KAZN: variants seen among roughly 807,000 people sequenced by gnomAD.
The protein encoded by KAZN is kazrin, periplakin interacting protein, also known as kazrin.
Under a neutral mutation model 87.4 loss-of-function variants are expected in KAZN, and 40 were observed. The ratio of observed to expected loss-of-function variants is 0.46; its 90% CI spans 0.36 to 0.60. KAZN has a LOEUF of 0.60. KAZN is among the 20% of genes least tolerant of loss of function. KAZN has a pLI of 0.00. For synonymous variants in KAZN, 466 were observed against 458.3 expected, an observed-to-expected ratio of 1.02 and a Z score of -0.22; for missense variants, 898 against 1,073.9, an observed-to-expected ratio of 0.84 and a Z score of 2.29.
rs573676074 is a variant in KAZN, at chr1:14,791,318, C to T, written c.227-169366C>T. 2.6e-5 allele frequency among the ~76,000 whole-genome samples: 4 copies of T among 152,290 alleles called. No homozygotes were observed. The South Asian group carries it at 8.3e-4, about 32-fold the overall frequency. ...AAGTGGCTTTGGAGGAGGGCTGAGTCGCCAACACCTGCACACGAGAAACCT... is the reference window on the plus strand; with the variant it reads ...AAGTGGCTTTGGAGGAGGGCTGAGTTGCCAACACCTGCACACGAGAAACCT... On this transcript the variant is annotated intron_variant, in intron 1 of 14. Coordinates refer to ENST00000376030, the MANE Select transcript of KAZN (RefSeq NM_201628.3).
intron 10 of KAZN, among the ~76,000 whole-genome samples, chr1:15,098,561 G>A (rs1223004977): frequency 6.6e-6 from 1 of 152,256 alleles, no homozygotes; most frequent in African/African-American, 2.4e-5. Context: ...GAGGAGAGGA[G>A]GCCATTCTAG....
intron 2 of KAZN, among the ~76,000 whole-genome samples, chr1:14,407,433 G>C (rs1663949551): frequency 6.6e-6 from 1 of 152,200 alleles, no homozygotes; most frequent in South Asian, 2.1e-4. Context: ...GAATCTTGTG[G>C]TGGTAAATGG....
At chr1:14,921,922 G>A (rs1390570192) in intron 1 of KAZN, among the ~76,000 whole-genome samples, 2 of 152,148 alleles carry the variant, frequency 1.3e-5, no homozygotes, top group Admixed American at 6.5e-5. Flanking sequence ...ATATTAGCCA[G>A]GCTGGTCTTG....
intron 1 of KAZN, among the ~76,000 whole-genome samples, chr1:14,776,891 G>T (rs1645188510): frequency 6.8e-6 from 1 of 146,740 alleles, no homozygotes; most frequent in South Asian, 2.1e-4. Flanking sequence ...AGCTATGAGG[G>T]CCACTGCCCT....
intron 3 of KAZN, among the ~76,000 whole-genome samples, chr1:15,035,167 T>A (rs1672135875): frequency 6.6e-6 from 1 of 152,180 alleles, no homozygotes. Flanking sequence ...GCTTGACCTC[T>A]CAGAGCCTCA....
At chr1:14,197,118 AG>A (rs950294881) in intron 2 of KAZN, among the ~76,000 whole-genome samples, 4 of 151,870 alleles carry the variant, frequency 2.6e-5, no homozygotes, top group Admixed American at 6.6e-5. Flanking sequence ...AAGAATGGGG[AG>A]GGGGGTAGAG....
At chr1:14,575,753 G>T (rs1460932552) in intron 2 of KAZN, among the ~76,000 whole-genome samples, 2 of 152,164 alleles carry the variant, frequency 1.3e-5, no homozygotes, top group South Asian at 2.1e-4. Context: ...GAGGAACCTG[G>T]TCGTTCATCT....
chr1:14,866,449 T>C (rs990845957), intron 1 of KAZN, among the ~76,000 whole-genome samples: 16 of 151,900 alleles, frequency 1.1e-4, no homozygotes, highest in African/African-American at 3.6e-4. Flanking sequence ...TGTGGAAGGG[T>C]CTGGCACAGT....
chr1:14,705,257 C>T (rs558265776), intron 1 of KAZN, among the ~76,000 whole-genome samples: 1 of 152,344 alleles, frequency 6.6e-6, no homozygotes, highest in African/African-American at 2.4e-5. Context: ...GCCCCACCCT[C>T]ACAGCCTCAT....
chr1:14,818,954 C>T (rs923250019), intron 1 of KAZN, among the ~76,000 whole-genome samples: 1 of 152,184 alleles, frequency 6.6e-6, no homozygotes, highest in Non-Finnish European at 1.5e-5. Flanking sequence ...GCCTGGGAGG[C>T]TGAGGCAGGA....
chr1:14,453,543 A>G (rs1001258118), intron 2 of KAZN, among the ~76,000 whole-genome samples: 45 of 152,178 alleles, frequency 3.0e-4, no homozygotes, highest in African/African-American at 6.3e-4. Flanking sequence ...GCCACATTCA[A>G]TAGTCTATCT....
At chr1:14,123,185 G>T (rs759105795) in intron 1 of KAZN, among the ~76,000 whole-genome samples, 4 of 152,138 alleles carry the variant, frequency 2.6e-5, no homozygotes, top group Non-Finnish European at 2.9e-5. Context: ...CCATTTTCCT[G>T]CAGAGGCTGA....
At chr1:15,088,610 G>A (rs1259870489) in intron 8 of KAZN, among the ~76,000 whole-genome samples, 1 of 152,154 alleles carries the variant, frequency 6.6e-6, no homozygotes, top group East Asian at 1.9e-4. Context: ...GAGAAGGAGG[G>A]AAATAAAAGC....
chr1:14,461,450 G>A (rs747036115), intron 2 of KAZN, among the ~76,000 whole-genome samples: 15 of 152,048 alleles, frequency 9.9e-5, no homozygotes, highest in African/African-American at 1.7e-4. Flanking sequence ...CATGTAAGTC[G>A]TGCCTTTCAC....
At chr1:14,105,443 C>T (rs527581198) in intron 1 of KAZN, among the ~76,000 whole-genome samples, 46 of 152,334 alleles carry the variant, frequency 3.0e-4, no homozygotes, top group African/African-American at 1.1e-3. Context: ...TTTATTCCTT[C>T]TGGCTGCTCA....
chr1:14,654,101 C>A (rs528694522), intron 1 of KAZN, among the ~76,000 whole-genome samples: 1 of 152,270 alleles, frequency 6.6e-6, no homozygotes, highest in African/African-American at 2.4e-5. Context: ...GCCTGGCCAA[C>A]ATGGTGAAAC....
chr1:14,748,459 G>A (rs1644320384), intron 1 of KAZN, among the ~76,000 whole-genome samples: 1 of 152,118 alleles, frequency 6.6e-6, no homozygotes, highest in East Asian at 1.9e-4. Flanking sequence ...GGGAGGAAGG[G>A]AGTTGTACAC....
chr1:14,742,445 G>A (rs1407389520), intron 1 of KAZN, among the ~76,000 whole-genome samples: 6 of 152,126 alleles, frequency 3.9e-5, no homozygotes, highest in Admixed American at 6.5e-5. Flanking sequence ...ATAAATACTT[G>A]TTGGATTAAC....
At chr1:13,951,815 C>T (rs1433860702) in intron 1 of KAZN, among the ~76,000 whole-genome samples, 1 of 152,144 alleles carries the variant, frequency 6.6e-6, no homozygotes, top group Non-Finnish European at 1.5e-5. Flanking sequence ...CCCCTTACCA[C>T]CCACTTTCTG....
Sources: allele counts gnomAD v4.1 joint callset (sites outside exome capture counted in the v4.1 genomes callset), GRCh38; gene constraint gnomAD v4.1.1; transcripts MANE v1.5; gene names NCBI Gene and HGNC (gene_info 2026-07-23, HGNC 2026-07-21).